PCIF1: variants seen among roughly 807,000 people sequenced by gnomAD.
The protein encoded by PCIF1 is phosphorylated CTD interacting factor 1, also known as mRNA (2'-O-methyladenosine-N(6)-)-methyltransferase.
Under a neutral mutation model 86.9 loss-of-function variants are expected in PCIF1, and 12 were observed. That is an observed-to-expected ratio of 0.14 (90% CI 0.09 to 0.22). PCIF1 has a LOEUF of 0.22. PCIF1 is among the 10% of genes least tolerant of loss of function. PCIF1 has a pLI of 1.00. For synonymous variants in PCIF1, 397 were observed against 372.0 expected, an observed-to-expected ratio of 1.07 and a Z score of -0.77; for missense variants, 701 against 951.1, an observed-to-expected ratio of 0.74 and a Z score of 3.46.
At chr20:45,934,953 T>A in intron 1 of PCIF1, 149 bp downstream of exon 1, 1 of 382,324 alleles carries the variant, frequency 2.6e-6, no homozygotes, top group Non-Finnish European at 4.6e-6. Context: ...GACCCGCGGG[T>A]GGGCGGCCGC....
chr20:45,941,043 G>C lies in PCIF1; in HGVS notation c.519-10G>C. ...CAGGACATCCTCATCACTCCTCTCT[G>C]TGCCCCAAGGGTCTACTGGGACCTG... On this transcript the variant is annotated splice_polypyrimidine_tract_variant and intron_variant, in intron 6 of 16. Transcript: ENST00000372409. The C allele has an allele frequency of 6.2e-7, 1 of 1,614,182 alleles. No homozygotes were observed.
At chr20:45,940,434 C>T (rs1278049596) in intron 4 of PCIF1, 41 bp from the exon 5 acceptor site, 14 of 1,553,642 alleles carry the variant, frequency 9.0e-6, no homozygotes, top group East Asian at 4.7e-5. Flanking sequence ...GCTCCTAAGC[C>T]GCTGGCCCTG....
chr20:45,939,166 C>G (rs1475439735), intron 3 of PCIF1, 43 bp downstream of exon 3: 1 of 1,614,008 alleles, frequency 6.2e-7, no homozygotes, highest in African/African-American at 1.3e-5. Flanking sequence ...GTAGGAAGGG[C>G]ACCCTGGGAG....
At chr20:45,938,880 T>C in intron 2 of PCIF1, 101 bp from the exon 3 acceptor site, 1 of 1,489,246 alleles carries the variant, frequency 6.7e-7, no homozygotes, top group Non-Finnish European at 9.1e-7. Context: ...AGGACCTGAT[T>C]GGATTTCTCC....
chr20:45,941,704 C>T (rs1006412087), intron 7 of PCIF1, among the ~76,000 whole-genome samples: 11 of 152,002 alleles, frequency 7.2e-5, no homozygotes, highest in African/African-American at 2.2e-4. Flanking sequence ...GTGATGCGCC[C>T]GCCTCAGCCT....
intron 11 of PCIF1, 110 bp from the exon 12 acceptor site, chr20:45,945,601 T>G (rs2083516906): frequency 1.5e-6 from 2 of 1,330,356 alleles, no homozygotes; most frequent in Non-Finnish European, 2.1e-6. Flanking sequence ...GGCCAGAGTA[T>G]ACTGATCTGT....
Position 45,944,980 on chromosome 20 carries a change from A to C in PCIF1, c.1118A>C (p.Lys373Thr). 1 of 1,613,974 alleles carries C rather than the reference A, an allele frequency of 6.2e-7. No individual in the cohort carries two copies. The highest frequency in any genetic ancestry group is 8.5e-7 in the Non-Finnish European group (1 of 1,179,924). The change falls in exon 11 of 17, where the codon AAA (lysine) becomes ACA (threonine). Residue 373 changes from lysine to threonine, a missense_variant. Transcript: ENST00000372409. The stretch of plus-strand genomic sequence containing the variant: ...TACCACATCTCCCTGGAGTACGTCA[A>C]ACGGATCCGAGAGAAGCACCTTGCC... Reference protein sequence around the residue: ...KIYHISLEYVKRIREKHLAIL... With the variant: ...KIYHISLEYVTRIREKHLAIL...
Position 45,938,992 on chromosome 20 carries a change from G to A in PCIF1, c.-8G>A. 6.2e-7 allele frequency: 1 copy of A among 1,613,950 alleles called. No individual in the cohort carries two copies. The highest frequency in any genetic ancestry group is 8.5e-7 in the Non-Finnish European group (1 of 1,179,946). On this transcript the variant is annotated 5_prime_UTR_variant, in exon 3 of 17. It adds an upstream start codon to the 5' untranslated region. Transcript: ENST00000372409. ...CCTCTGTGTGGCAGGTCCTGTGTGG[G>A]TGTGGAGATGGCCAATGAGAATCAC... is the stretch of plus-strand genomic sequence containing the variant.
At position 45,941,804 on chromosome 20, in the gene PCIF1, C is replaced by T. The variant is rs2083472349; in HGVS notation, c.673+597C>T. ...ATCTGGCTATGTTGCCCAGGCTGGT[C>T]TTGTACTCCTGGGCTCAAGCCTTCT... is the stretch of plus-strand genomic sequence containing the variant. On this transcript the variant is annotated intron_variant, in intron 7 of 16. Transcript: ENST00000372409. Among the ~76,000 whole-genome samples, 5 of 151,460 alleles carry T rather than the reference C, an allele frequency of 3.3e-5. No individual in the cohort carries two copies. In the South Asian group the frequency reaches 1.0e-3, roughly 32 times the overall value.
At position 45,947,092 on chromosome 20, in the gene PCIF1, C is replaced by G; in HGVS notation, c.1633C>G (p.Pro545Ala). 1 of 1,613,036 alleles carries G rather than the reference C, an allele frequency of 6.2e-7. No individual in the cohort carries two copies. The highest frequency in any genetic ancestry group is 8.5e-7 in the Non-Finnish European group (1 of 1,179,140). The change falls in exon 15 of 17, where the codon CCA becomes GCA. Residue 545 changes from proline (P) to alanine (A), a missense_variant. Transcript: ENST00000372409. The surrounding 1 kb of genome is among the most constrained non-coding windows in gnomAD (Gnocchi z 5.4). ...GSRGPCLDFA[P>A]LSGSFEANPP... is the part of the protein sequence containing the mutation. ...CCCCAGGCCCTGCCTAGACTTTGCTCCACTGAGTGGTTCATTTGAGGCCAA... is the reference window on the plus strand; with the variant it reads ...CCCCAGGCCCTGCCTAGACTTTGCTGCACTGAGTGGTTCATTTGAGGCCAA...
intron 7 of PCIF1, among the ~76,000 whole-genome samples, chr20:45,941,614 A>G (rs1322104340): frequency 6.6e-6 from 1 of 151,980 alleles, no homozygotes; most frequent in East Asian, 1.9e-4. Context: ...GTACACCACC[A>G]TGCCCAGCTC....
Position 45,947,792 on chromosome 20 carries a change from G to A in PCIF1, c.*37G>A. On this transcript the variant is annotated 3_prime_UTR_variant, in exon 17 of 17. Coordinates refer to ENST00000372409, the MANE Select transcript of PCIF1 (RefSeq NM_022104.4). The surrounding 1 kb of genome is among the most constrained non-coding windows in gnomAD (Gnocchi z 5.4). ...GGGAGGAGGAGCCCCAGGGGTGCTA[G>A]TCTGGACTGCTGGGACTCGGGCCCC... 1 of 1,584,746 alleles carries A rather than the reference G, an allele frequency of 6.3e-7. No homozygotes were observed. The highest frequency in any genetic ancestry group is 8.5e-7 in the Non-Finnish European group (1 of 1,173,840).
chr20:45,942,941 G>C (rs1490194498), intron 7 of PCIF1, among the ~76,000 whole-genome samples, 156 bp from the exon 8 acceptor site: 4 of 151,974 alleles, frequency 2.6e-5, no homozygotes, highest in African/African-American at 7.3e-5. Context: ...TAAAACTAGT[G>C]ATTCTTAGAA....
rs771936045 is a variant in PCIF1 at position 45,940,821 on chromosome 20, G to A, written c.400G>A (p.Val134Met). The A allele has an allele frequency of 1.2e-6, 2 of 1,613,692 alleles. No homozygotes were observed. The highest frequency in any genetic ancestry group is 2.2e-5 in the South Asian group (2 of 91,020). Residue 134 changes from valine to methionine, a missense_variant, in exon 6 of 17, where the codon GTG becomes ATG. By Grantham distance (21) the Val-to-Met change is conservative. This residue lies in a region of PCIF1 where 125 missense variants were observed against 126.8 expected (regional missense o/e 0.99). Transcript: ENST00000372409. ...GVKKPKIEIP[V>M]TPTGQSVPSS... ...ACTTTCACTACAGATTGAAATCCCAGTGACACCCACAGGCCAGTCGGTGCC... is the reference window on the plus strand; with the variant it reads ...ACTTTCACTACAGATTGAAATCCCAATGACACCCACAGGCCAGTCGGTGCC...
intron 7 of PCIF1, among the ~76,000 whole-genome samples, chr20:45,942,660 G>A (rs1418796613): frequency 6.6e-6 from 1 of 151,514 alleles, no homozygotes; most frequent in Non-Finnish European, 1.5e-5. Context: ...TGTCACCCAG[G>A]TTGGGGTGCA....
chr20:45,940,966 G>A (rs1475510336), intron 6 of PCIF1, 27 bp downstream of exon 6: 2 of 1,613,970 alleles, frequency 1.2e-6, no homozygotes, highest in Non-Finnish European at 1.7e-6. Flanking sequence ...TGGCTTGGGG[G>A]CACCCATTGC....
rs755799574 is a variant in PCIF1 at position 45,947,558 on chromosome 20, G to C, written c.1918G>C (p.Ala640Pro). 1 of 1,613,748 alleles carries C rather than the reference G, an allele frequency of 6.2e-7. No homozygotes were observed. The highest frequency in any genetic ancestry group is 2.2e-5 in the East Asian group (1 of 44,882). The change falls in exon 17 of 17, where the codon GCT becomes CCT. Residue 640 changes from alanine to proline, a missense_variant. Coordinates refer to ENST00000372409, the MANE Select transcript of PCIF1 (RefSeq NM_022104.4). The surrounding 1 kb of genome is among the most constrained non-coding windows in gnomAD (Gnocchi z 5.4). ...EMHYKAVHNT[A>P]VLFLQNDPGF... ...GCACTACAAGGCCGTCCACAACACG[G>C]CTGTGCTCTTCCTACAGAACGACCC...
At chr20:45,946,461 G>A (rs2083527567) in intron 14 of PCIF1, 77 bp downstream of exon 14, 15 of 1,511,232 alleles carry the variant, frequency 9.9e-6, no homozygotes, top group Admixed American at 1.7e-5. Context: ...TCTGCTGGCT[G>A]TAGTGTCAGG....
intron 7 of PCIF1, among the ~76,000 whole-genome samples, chr20:45,942,718 G>A (rs889129105): frequency 2.7e-5 from 4 of 148,096 alleles, no homozygotes; most frequent in South Asian, 4.3e-4. Flanking sequence ...GGGTTCAAGC[G>A]ATCCTCCCGC....
Sources: gnomAD v4.1 joint callset for allele counts (sites outside exome capture counted in the v4.1 genomes callset) on GRCh38, gnomAD v4.1.1 for gene constraint, gnomAD v4.1.1 regional missense constraint, Gnocchi (gnomAD v3.1) non-coding constraint, MANE v1.5 for transcripts, NCBI Gene and HGNC (gene_info 2026-07-23, HGNC 2026-07-21) for gene names.